CEP120: variants seen among roughly 807,000 people sequenced by gnomAD.
CEP120 encodes centrosomal protein of 120 kDa.
Under a neutral mutation model 126.5 loss-of-function variants are expected in CEP120, and 113 were observed. The observed-to-expected ratio is 0.89, with a 90% CI of 0.77 to 1.04. The LOEUF (loss-of-function observed/expected upper bound fraction) is 1.04, where lower values mean the gene tolerates loss of function less well. Among genes scored for constraint, CEP120 ranks in the 50% least tolerant of loss-of-function variants. The probability of loss-of-function intolerance (pLI) is 0.00; values close to 1 mark genes in which losing one functional copy is unlikely to be tolerated. For synonymous variants in CEP120, 400 were observed against 394.3 expected (o/e 1.01, Z -0.17); for missense variants, 1,230 against 1,155.7 (o/e 1.06, Z -0.93).
At chr5:123,401,404 G>A (rs1052006942) in intron 4 of CEP120, 2 of 1,444,434 alleles carry the variant, frequency 1.4e-6, no homozygotes, top group African/African-American at 1.4e-5. Context: ...GCCGGCTGAT[G>A]TTCCGGTTCA....
At chr5:123,418,311 T>C (rs1326109879) in intron 2 of CEP120, 48 bp downstream of exon 2, 1 of 1,483,542 alleles carries the variant, frequency 6.7e-7, no homozygotes, top group Non-Finnish European at 9.1e-7. Context: ...TATAACAGCC[T>C]GAAAAATAAG....
At position 123,345,855 on chromosome 5, in the gene CEP120, A is replaced by C. The variant is rs1362579890; in HGVS notation, c.*664T>G. On this transcript the variant is annotated 3_prime_UTR_variant, in exon 20 of 20. Coordinates refer to ENST00000306467, the MANE Select transcript of CEP120 (RefSeq NM_001375405.1). ...AACTTGAGGAAGAAACCAACAGAGAAAACTATATTAAGCTAATACTTCATG... is the reference window on the plus strand; with the variant it reads ...AACTTGAGGAAGAAACCAACAGAGACAACTATATTAAGCTAATACTTCATG... 8 of 152,182 alleles carry C rather than the reference A, an allele frequency of 5.3e-5. No individual in the cohort carries two copies. Among genetic ancestry groups the C allele is most frequent in the Admixed American group, 5.2e-4 (8 of 15,264 alleles). The allele number at this position is 152,182 out of a possible 1,614,324, so 9.4% of individuals were successfully genotyped here. A position where few individuals can be genotyped will look rare whatever the true frequency, so the allele number is the denominator to read the frequency against.
In CEP120 at chr5:123,345,987, C is replaced by T. The variant is rs1037419574; in HGVS notation, c.*532G>A. ...AATAAATGACCAATCTGTCACCCAA[C>T]ATGTCATGTGGCTTCTCTGCACTGA... is the stretch of plus-strand genomic sequence containing the variant. On this transcript the variant is annotated 3_prime_UTR_variant, in exon 20 of 20. Transcript: ENST00000306467. The T allele has an allele frequency of 1.3e-5, 2 of 152,492 alleles. No individual in the cohort carries two copies. The highest frequency in any genetic ancestry group is 4.8e-5 in the African/African-American group (2 of 41,452). 9.4% of individuals were successfully genotyped at this position (152,492 alleles called of 1,614,324 possible).
At chr5:123,367,723 C>T (rs370420696) in intron 17 of CEP120, among the ~76,000 whole-genome samples, 2 of 151,912 alleles carry the variant, frequency 1.3e-5, no homozygotes, top group South Asian at 4.1e-4. Context: ...TCAACAATTA[C>T]AGTTGCTAAA....
In CEP120 at chr5:123,377,470, AG is replaced by A; in HGVS notation, c.2261del (p.Ser754LeufsTer13). On this transcript the variant is annotated frameshift_variant, in exon 16 of 20. Coordinates refer to ENST00000306467, the MANE Select transcript of CEP120 (RefSeq NM_001375405.1). LOFTEE classifies it high-confidence loss of function. ...RQRNLQELQDSIRRAKEDCIH... is the reference protein window; with the variant it reads ...RQRNLQELQDXIRRAKEDCIH... ...TACAGTCCTCTTTGGCCCTACGGAT[AG>A]AGTCCTGCAGTTCTTGCAGGTTCCG... 6.2e-7 allele frequency: 1 copy of A among 1,607,052 alleles called. No individual in the cohort carries two copies. Among genetic ancestry groups the A allele is most frequent in the Admixed American group, 1.7e-5 (1 of 57,604 alleles).
At chr5:123,399,065 A>G in intron 5 of CEP120, 71 bp downstream of exon 5, 1 of 1,210,702 alleles carries the variant, frequency 8.3e-7, no homozygotes, top group Non-Finnish European at 1.1e-6. Flanking sequence ...TCTTTTTAAT[A>G]CCTGAAAGGT....
chr5:123,389,016 A>T (rs1368383366), intron 8 of CEP120, among the ~76,000 whole-genome samples: 1 of 152,228 alleles, frequency 6.6e-6, no homozygotes, highest in Non-Finnish European at 1.5e-5. Flanking sequence ...ATTTAAAATA[A>T]CAGAAAGCTA....
intron 3 of CEP120, among the ~76,000 whole-genome samples, chr5:123,413,631 T>C (rs1774208418): frequency 6.6e-6 from 1 of 152,214 alleles, no homozygotes; most frequent in South Asian, 2.1e-4. Context: ...ATATAGTAGA[T>C]GGTGCTTATA....
chr5:123,403,353 A>C (rs1035120008), intron 4 of CEP120: 2 of 454,424 alleles, frequency 4.4e-6, no homozygotes, highest in Middle Eastern at 6.5e-4. Context: ...GCCTGAAAAT[A>C]TTTGTTGATA....
At chr5:123,361,967 C>T (rs1770110945) in intron 18 of CEP120, among the ~76,000 whole-genome samples, 1 of 151,748 alleles carries the variant, frequency 6.6e-6, no homozygotes. Context: ...GCTCTCTTGA[C>T]TCCAGGGCCA....
chr5:123,413,669 A>C (rs967593659), intron 3 of CEP120, among the ~76,000 whole-genome samples: 2 of 152,248 alleles, frequency 1.3e-5, no homozygotes, highest in Admixed American at 6.5e-5. Context: ...AGACATAATA[A>C]ATGGTGCCTA....
At position 123,382,182 on chromosome 5, in the gene CEP120, C is replaced by T. The variant is rs1290114435; in HGVS notation, c.2032G>A (p.Ala678Thr). 6.2e-7 allele frequency: 1 copy of T among 1,605,380 alleles called. No individual in the cohort carries two copies. The highest frequency in any genetic ancestry group is 8.5e-7 in the Non-Finnish European group (1 of 1,176,078). ...TCCTCTGCAAGAGCCTGCATATGAG[C>T]CAGTTCTTTCTGCTTCAGCTACAAA... is the stretch of plus-strand genomic sequence containing the variant. ...FENQLKQKELAHMQALAEEWK... is the reference protein window; with the variant it reads ...FENQLKQKELTHMQALAEEWK... The change falls in exon 14 of 20, where the codon GCT (alanine) becomes ACT (threonine). Residue 678 changes from alanine (A) to threonine (T), a missense_variant. Ala to Thr is a moderately conservative substitution (Grantham distance 58). Transcript: ENST00000306467.
At chr5:123,405,511 A>C (rs1050724062) in intron 4 of CEP120, among the ~76,000 whole-genome samples, 3 of 152,206 alleles carry the variant, frequency 2.0e-5, no homozygotes, top group African/African-American at 7.2e-5. Context: ...AGCCTAACTG[A>C]CCAGGGAGAA....
intron 4 of CEP120, chr5:123,402,437 TGA>T: frequency 2.0e-6 from 2 of 1,008,374 alleles, no homozygotes; most frequent in Non-Finnish European, 2.7e-6. Flanking sequence ...TGTTTTTTAT[TGA>T]GACAGAGTCT....
At chr5:123,346,811 T>C (rs1192845216) in intron 19 of CEP120, 58 bp from the exon 20 acceptor site, 3 of 1,221,490 alleles carry the variant, frequency 2.5e-6, no homozygotes, top group African/African-American at 3.1e-5. Flanking sequence ...TTAATGTCAC[T>C]ATTTAAAAAC....
intron 11 of CEP120, 142 bp downstream of exon 11, chr5:123,384,809 G>T: frequency 1.5e-6 from 1 of 674,250 alleles, no homozygotes; most frequent in Non-Finnish European, 2.4e-6. Context: ...GGTCAGAGAA[G>T]ATCAGAAAAA....
At chr5:123,371,233 G>C (rs932824582) in intron 17 of CEP120, among the ~76,000 whole-genome samples, 1 of 152,016 alleles carries the variant, frequency 6.6e-6, no homozygotes, top group African/African-American at 2.4e-5. Context: ...ACAAACCTGA[G>C]ACTGGGCAAT....
intron 17 of CEP120, 138 bp downstream of exon 17, chr5:123,372,512 G>A: frequency 3.6e-6 from 3 of 836,840 alleles, no homozygotes; most frequent in Non-Finnish European, 5.7e-6. Context: ...AATGTCACGT[G>A]CCTTTAATTC....
intron 4 of CEP120, among the ~76,000 whole-genome samples, chr5:123,405,724 T>C (rs1164373470): frequency 2.0e-5 from 3 of 152,178 alleles, no homozygotes; most frequent in Non-Finnish European, 4.4e-5. Flanking sequence ...TCCTGACTCC[T>C]GACCACTACA....
Sources: allele counts gnomAD v4.1 joint callset (sites outside exome capture counted in the v4.1 genomes callset), GRCh38; gene constraint gnomAD v4.1.1; transcripts MANE v1.5; gene names NCBI Gene and HGNC (gene_info 2026-07-23, HGNC 2026-07-21).